Variants in SUGT1 observed in about 807,000 individuals in gnomAD.
The protein encoded by SUGT1 is protein SGT1 homolog.
Under a neutral mutation model 56.1 loss-of-function variants are expected in SUGT1, and 15 were observed. The observed-to-expected ratio is 0.27, with a 90% CI of 0.18 to 0.41. SUGT1 has a LOEUF of 0.41. Ranked by LOEUF, SUGT1 falls within the 10% of genes least tolerant of loss-of-function variation. The probability of loss-of-function intolerance (pLI) is 1.00; values close to 1 mark genes in which losing one functional copy is unlikely to be tolerated. For synonymous variants in SUGT1, 123 were observed against 128.6 expected (o/e 0.96, Z 0.30); for missense variants, 347 against 382.2 (o/e 0.91, Z 0.77).
At position 52,659,203 on chromosome 13, in the gene SUGT1, C is replaced by G. The variant is rs1416596711; in HGVS notation, c.282C>G (p.Asn94Lys). The change falls in exon 5 of 13, where the codon AAC becomes AAG. Residue 94 changes from asparagine (N) to lysine (K), a missense_variant. Coordinates refer to ENST00000310528, the MANE Select transcript of SUGT1 (RefSeq NM_006704.5). ...RKGICEYHEK[N>K]YAAALETFTE... ...GAATATGTGAATACCATGAAAAAAACTATGCTGCTGCCCTAGAAACTTTTA... is the reference window on the plus strand; with the variant it reads ...GAATATGTGAATACCATGAAAAAAAGTATGCTGCTGCCCTAGAAACTTTTA... The G allele has an allele frequency of 2.0e-6, 3 of 1,483,638 alleles. No homozygotes were observed. The Admixed American group carries it at 7.8e-5, about 38-fold the overall frequency. 91.9% of individuals were successfully genotyped at this position (1,483,638 alleles called of 1,614,324 possible).
chr13:52,666,738 C>T lies in SUGT1; in HGVS notation c.520-74C>T, dbSNP rs1962720698. On this transcript the variant is annotated intron_variant, in intron 9 of 12. Transcript: ENST00000310528. Reference sequence around the variant, plus strand: ...ATTTGTAACATTATTGAAGATTTGTCATTATTTTGTGTAGGTTTTTTACCC... The same window carrying T: ...ATTTGTAACATTATTGAAGATTTGTTATTATTTTGTGTAGGTTTTTTACCC... 6.6e-6 allele frequency: 6 copies of T among 914,440 alleles called. No homozygotes were observed. The South Asian group carries it at 9.0e-5, about 14-fold the overall frequency. 56.6% of individuals were successfully genotyped at this position (914,440 alleles called of 1,614,324 possible).
At chr13:52,681,861 G>A (rs1402861091) in intron 12 of SUGT1, among the ~76,000 whole-genome samples, 1 of 150,538 alleles carries the variant, frequency 6.6e-6, no homozygotes, top group Admixed American at 6.6e-5. Flanking sequence ...GAGAGAGAGA[G>A]AGATAGAACA....
Position 52,679,936 on chromosome 13 carries a change from A to G in SUGT1, c.719-38A>G, listed in dbSNP as rs201195438. ...TACATATTCTCGACATAATTGAAAC[A>G]TGTTGATTAATTACTTCTGCCTTTT... On this transcript the variant is annotated intron_variant, in intron 11 of 12. Transcript: ENST00000310528. The G allele has an allele frequency of 2.3e-5, 35 of 1,547,748 alleles. No homozygotes were observed. The East Asian group carries it at 7.3e-4, about 32-fold the overall frequency.
rs1317444650 is a variant in SUGT1, at chr13:52,695,290, C to T, written c.*7455C>T. 6.6e-6 allele frequency: 1 copy of T among 151,988 alleles called. No individual in the cohort carries two copies. Among genetic ancestry groups the T allele is most frequent in the Non-Finnish European group, 1.5e-5 (1 of 68,012 alleles). 9.4% of individuals were successfully genotyped at this position (151,988 alleles called of 1,614,324 possible). ...TATTATTGTTATTATTTTGCTATTT[C>T]AAAACAATTGACTTTAAAAAATTAT... On this transcript the variant is annotated 3_prime_UTR_variant, in exon 13 of 13. Transcript: ENST00000310528.
chr13:52,681,085 G>A (rs372060600), intron 12 of SUGT1, among the ~76,000 whole-genome samples: 7 of 152,196 alleles, frequency 4.6e-5, no homozygotes, highest in African/African-American at 1.4e-4. Context: ...CAATCTAGCC[G>A]CCTCAGCCTC....
At chr13:52,663,957 C>T (rs1566180633) in intron 7 of SUGT1, 78 bp from the exon 8 acceptor site, 3 of 1,301,152 alleles carry the variant, frequency 2.3e-6, no homozygotes, top group Non-Finnish European at 3.3e-6. Context: ...ATAATACATG[C>T]ATTTTAATAA....
At position 52,698,335 on chromosome 13, in the gene SUGT1, C is replaced by G. The variant is rs1179205139; in HGVS notation, c.*10500C>G. On this transcript the variant is annotated 3_prime_UTR_variant, in exon 13 of 13. Coordinates refer to ENST00000310528, the MANE Select transcript of SUGT1 (RefSeq NM_006704.5). The stretch of plus-strand genomic sequence containing the variant: ...GTCCAAACGTTTGGTTTTACAGATG[C>G]ACTTTTTCCAGAGTGCTGTCATCTC... 1.3e-5 allele frequency: 2 copies of G among 151,958 alleles called. No homozygotes were observed. Among genetic ancestry groups the G allele is most frequent in the African/African-American group, 4.8e-5 (2 of 41,392 alleles). 9.4% of individuals were successfully genotyped at this position (151,958 alleles called of 1,614,324 possible).
intron 10 of SUGT1, among the ~76,000 whole-genome samples, chr13:52,668,859 C>T (rs988562658): frequency 6.6e-6 from 1 of 150,770 alleles, no homozygotes; most frequent in Admixed American, 6.6e-5. Context: ...ATTGTTAATG[C>T]ATGTCCATTT....
chr13:52,665,128 C>G (rs1283647467), intron 8 of SUGT1, among the ~76,000 whole-genome samples: 1 of 152,128 alleles, frequency 6.6e-6, no homozygotes, highest in African/African-American at 2.4e-5. Context: ...TCATTTGCCC[C>G]TGTTTTGTGT....
chr13:52,691,530 C>T lies in SUGT1; in HGVS notation c.*3695C>T, dbSNP rs1206260657. On this transcript the variant is annotated 3_prime_UTR_variant, in exon 13 of 13. Coordinates refer to ENST00000310528, the MANE Select transcript of SUGT1 (RefSeq NM_006704.5). The stretch of plus-strand genomic sequence containing the variant: ...CTAATCAGCCTAATGCACTTAAATT[C>T]CCTTGGAATCTTTCCTGTTCAGATT... 1 of 152,100 alleles carries T rather than the reference C, an allele frequency of 6.6e-6. No individual in the cohort carries two copies. Among genetic ancestry groups the T allele is most frequent in the African/African-American group, 2.4e-5 (1 of 41,414 alleles). 9.4% of individuals were successfully genotyped at this position (152,100 alleles called of 1,614,324 possible).
intron 5 of SUGT1, among the ~76,000 whole-genome samples, chr13:52,659,664 A>G (rs1366064428): frequency 2.6e-5 from 4 of 151,458 alleles, no homozygotes; most frequent in Admixed American, 6.6e-5. Flanking sequence ...GTAAATTATG[A>G]GAGGGTACAG....
chr13:52,696,640 A>G lies in SUGT1; in HGVS notation c.*8805A>G, dbSNP rs1399875437. 1 of 152,182 alleles carries G rather than the reference A, an allele frequency of 6.6e-6. No individual in the cohort carries two copies. Among genetic ancestry groups the G allele is most frequent in the African/African-American group, 2.4e-5 (1 of 41,442 alleles). 9.4% of individuals were successfully genotyped at this position (152,182 alleles called of 1,614,324 possible). A position where few individuals can be genotyped will look rare whatever the true frequency, so the allele number is the denominator to read the frequency against. ...GTAAATAGAATAGTAATTTGTTTTCAAAAAGATGAGGTCTTGCTGTGGTGC... is the reference window on the plus strand; with the variant it reads ...GTAAATAGAATAGTAATTTGTTTTCGAAAAGATGAGGTCTTGCTGTGGTGC... On this transcript the variant is annotated 3_prime_UTR_variant, in exon 13 of 13. Coordinates refer to ENST00000310528, the MANE Select transcript of SUGT1 (RefSeq NM_006704.5).
At chr13:52,657,668 T>A (rs749611390) in intron 3 of SUGT1, 46 bp downstream of exon 3, 1 of 1,532,454 alleles carries the variant, frequency 6.5e-7, no homozygotes, top group South Asian at 1.2e-5. Flanking sequence ...ATAAGTTACT[T>A]ATACATTTTA....
At chr13:52,653,221 C>A in intron 2 of SUGT1, 118 bp downstream of exon 2, 1 of 1,217,186 alleles carries the variant, frequency 8.2e-7, no homozygotes, top group Non-Finnish European at 1.2e-6. Context: ...CTTGTTGATG[C>A]TGCGTCTCAG....
chr13:52,660,605 T>G (rs1297026620), intron 5 of SUGT1, among the ~76,000 whole-genome samples: 1 of 152,176 alleles, frequency 6.6e-6, no homozygotes, highest in Non-Finnish European at 1.5e-5. Flanking sequence ...AGCTACAAAT[T>G]AAAAAAGGAG....
chr13:52,691,218 A>G lies in SUGT1; in HGVS notation c.*3383A>G, dbSNP rs1963765403. ...GGCTGGTCTTGAACTTCTGGGCTCA[A>G]GTTATCTACCTGCCTCAGCCTACCC... On this transcript the variant is annotated 3_prime_UTR_variant, in exon 13 of 13. Coordinates refer to ENST00000310528, the MANE Select transcript of SUGT1 (RefSeq NM_006704.5). 1 of 152,112 alleles carries G rather than the reference A, an allele frequency of 6.6e-6. No individual in the cohort carries two copies. The allele number at this position is 152,112 out of a possible 1,614,324, so 9.4% of individuals were successfully genotyped here. A position where few individuals can be genotyped will look rare whatever the true frequency, so the allele number is the denominator to read the frequency against.
chr13:52,666,733 T>C (rs1179599129), intron 9 of SUGT1, 79 bp from the exon 10 acceptor site: 7 of 875,902 alleles, frequency 8.0e-6, no homozygotes, highest in Non-Finnish European at 1.3e-5. Context: ...TTATTGAAGA[T>C]TTGTCATTAT....
chr13:52,663,847 C>T (rs945086661), intron 7 of SUGT1, among the ~76,000 whole-genome samples, 188 bp from the exon 8 acceptor site: 10 of 151,792 alleles, frequency 6.6e-5, no homozygotes, highest in Admixed American at 1.3e-4. Context: ...AATTTTTTTC[C>T]GAAAACTAGT....
At chr13:52,687,160 C>T (rs1169665631) in intron 12 of SUGT1, 8 of 147,702 alleles carry the variant, frequency 5.4e-5, no homozygotes, top group African/African-American at 1.7e-4. Context: ...GTGGTATATT[C>T]AGTAGATGGT....
Sources: gnomAD v4.1 joint callset for allele counts (sites outside exome capture counted in the v4.1 genomes callset) on GRCh38, gnomAD v4.1.1 for gene constraint, MANE v1.5 for transcripts, NCBI Gene and HGNC (gene_info 2026-07-23, HGNC 2026-07-21) for gene names.